Variants in GRM3 observed in about 807,000 individuals in gnomAD.
The protein encoded by GRM3 is glutamate metabotropic receptor 3.
In GRM3, 26 loss-of-function variants were observed where a neutral mutation model predicts 70.5. That is an observed-to-expected ratio of 0.37 (90% confidence interval 0.27 to 0.51). The LOEUF is 0.51. Among genes scored for constraint, GRM3 ranks in the 20% least tolerant of loss-of-function variants. GRM3 has a pLI of 0.93. For synonymous variants in GRM3, 443 were observed against 434.9 expected (o/e 1.02, Z -0.23); for missense variants, 859 against 1,123.8 (o/e 0.76, Z 3.37).
At chr7:86,661,020 C>T (rs1329601032) in intron 1 of GRM3, among the ~76,000 whole-genome samples, 1 of 151,898 alleles carries the variant, frequency 6.6e-6, no homozygotes, top group African/African-American at 2.4e-5. Context: ...TCTTTCTTTA[C>T]AATTTTAAAA....
At chr7:86,681,427 T>C (rs1226357232) in intron 1 of GRM3, among the ~76,000 whole-genome samples, 1 of 152,200 alleles carries the variant, frequency 6.6e-6, no homozygotes, top group East Asian at 1.9e-4. Context: ...TTCTATATCA[T>C]GTCACATTAA....
chr7:86,841,866 C>G (rs1798564555), intron 4 of GRM3, among the ~76,000 whole-genome samples: 1 of 152,130 alleles, frequency 6.6e-6, no homozygotes, highest in South Asian at 2.1e-4. Flanking sequence ...ACTTTCACCA[C>G]ATAGAAGAAG....
At chr7:86,824,968 A>T (rs1317815050) in intron 3 of GRM3, among the ~76,000 whole-genome samples, 3 of 152,166 alleles carry the variant, frequency 2.0e-5, no homozygotes, top group Admixed American at 6.5e-5. Flanking sequence ...TTCCAGGGAG[A>T]TTTTCTAAAA....
intron 1 of GRM3, among the ~76,000 whole-genome samples, chr7:86,647,537 C>T (rs1793504077): frequency 6.6e-6 from 1 of 152,160 alleles, no homozygotes; most frequent in South Asian, 2.1e-4. Context: ...TTGTTTTCTC[C>T]AGGAGTAATT....
Position 86,796,178 on chromosome 7 carries a change from G to C in GRM3, c.1324+9062G>C, listed in dbSNP as rs544215171. ...ATTGTATTACCTAGTTTTTCTTATA[G>C]GGTTTTTATAGTTTTGGGGTTTACA... On this transcript the variant is annotated intron_variant, in intron 3 of 5. Coordinates refer to ENST00000361669, the MANE Select transcript of GRM3 (RefSeq NM_000840.3). Among the ~76,000 whole-genome samples, 4 of 152,184 alleles carry C rather than the reference G, an allele frequency of 2.6e-5. No homozygotes were observed. The South Asian group carries it at 8.3e-4, about 32-fold the overall frequency.
intron 5 of GRM3, among the ~76,000 whole-genome samples, chr7:86,852,486 C>G (rs886424183): frequency 2.0e-5 from 3 of 152,148 alleles, no homozygotes; most frequent in Admixed American, 6.6e-5. Flanking sequence ...ACTGCAACCA[C>G]AGCAGACCTG....
intron 3 of GRM3, among the ~76,000 whole-genome samples, chr7:86,829,987 G>A (rs1264733939): frequency 6.6e-6 from 1 of 152,204 alleles, no homozygotes; most frequent in Non-Finnish European, 1.5e-5. Context: ...GCTTATATAT[G>A]TATATCCCAA....
chr7:86,718,585 C>A (rs951129765), intron 1 of GRM3, among the ~76,000 whole-genome samples: 1 of 151,938 alleles, frequency 6.6e-6, no homozygotes, highest in African/African-American at 2.4e-5. Context: ...GACACTGATG[C>A]TGAGCACAGT....
chr7:86,803,176 T>C (rs1041141033), intron 3 of GRM3, among the ~76,000 whole-genome samples: 3 of 152,226 alleles, frequency 2.0e-5, no homozygotes, highest in Non-Finnish European at 4.4e-5. Context: ...AAGACATTTA[T>C]ATCTTCATTT....
At chr7:86,683,018 T>A (rs1031121170) in intron 1 of GRM3, among the ~76,000 whole-genome samples, 4 of 152,284 alleles carry the variant, frequency 2.6e-5, no homozygotes, top group Non-Finnish European at 5.9e-5. Flanking sequence ...AGATTTGAAC[T>A]GAACAAATCA....
At chr7:86,815,335 C>G (rs773742496) in intron 3 of GRM3, among the ~76,000 whole-genome samples, 3 of 151,850 alleles carry the variant, frequency 2.0e-5, no homozygotes, top group Non-Finnish European at 2.9e-5. Context: ...ACCTCTACAT[C>G]ATATTCAAAT....
At chr7:86,783,966 A>AAC (rs200761157) in intron 2 of GRM3, among the ~76,000 whole-genome samples, 3 of 152,028 alleles carry the variant, frequency 2.0e-5, no homozygotes, top group African/African-American at 4.8e-5. Context: ...CTCCTCATTA[A>AAC]ACACACACAC....
intron 3 of GRM3, among the ~76,000 whole-genome samples, chr7:86,792,178 C>A (rs1490321089): frequency 1.3e-5 from 2 of 152,134 alleles, no homozygotes; most frequent in African/African-American, 4.8e-5. Flanking sequence ...ATCCTGAGAC[C>A]AGTTCCAGAA....
chr7:86,693,647 A>G (rs1794744817), intron 1 of GRM3, among the ~76,000 whole-genome samples: 1 of 152,224 alleles, frequency 6.6e-6, no homozygotes, highest in Non-Finnish European at 1.5e-5. Flanking sequence ...AATTACCATA[A>G]TGTTAACCAT....
chr7:86,766,113 A>G (rs540285857), intron 2 of GRM3, among the ~76,000 whole-genome samples: 1 of 152,264 alleles, frequency 6.6e-6, no homozygotes, highest in African/African-American at 2.4e-5. Context: ...AGCAACTCAC[A>G]GGGCTCAATC....
intron 1 of GRM3, among the ~76,000 whole-genome samples, chr7:86,753,018 C>A (rs189928787): frequency 6.9e-4 from 105 of 152,074 alleles, no homozygotes; most frequent in African/African-American, 2.3e-3. Flanking sequence ...ATTTAGCACC[C>A]ATAAACACTA....
At chr7:86,671,554 C>A (rs969028224) in intron 1 of GRM3, among the ~76,000 whole-genome samples, 1 of 152,144 alleles carries the variant, frequency 6.6e-6, no homozygotes, top group Non-Finnish European at 1.5e-5. Context: ...TTACTCACCA[C>A]CTATCTATTA....
intron 2 of GRM3, among the ~76,000 whole-genome samples, chr7:86,769,178 C>T (rs1269059314): frequency 6.6e-6 from 1 of 152,026 alleles, no homozygotes; most frequent in African/African-American, 2.4e-5. Flanking sequence ...GTGTGGTAAC[C>T]GTGGTGACAG....
At chr7:86,707,363 C>T (rs904212656) in intron 1 of GRM3, among the ~76,000 whole-genome samples, 4 of 152,052 alleles carry the variant, frequency 2.6e-5, no homozygotes, top group Non-Finnish European at 4.4e-5. Context: ...CAAAATGAGG[C>T]GAATAATGAT....
Sources: gnomAD v4.1 joint callset for allele counts (sites outside exome capture counted in the v4.1 genomes callset) on GRCh38, gnomAD v4.1.1 for gene constraint, MANE v1.5 for transcripts, NCBI Gene and HGNC (gene_info 2026-07-23, HGNC 2026-07-21) for gene names.